LRP1B: variants seen among roughly 807,000 people sequenced by gnomAD.
LRP1B encodes low-density lipoprotein receptor-related protein 1B.
In LRP1B, 217 loss-of-function variants were observed where a neutral mutation model predicts 556.6. That is an observed-to-expected ratio of 0.39 (90% CI 0.35 to 0.44). LRP1B has a LOEUF of 0.44. LRP1B is among the 20% of genes least tolerant of loss of function. The pLI is 1.00. For missense variants in LRP1B, 5,053 were observed against 5,620.8 expected, an observed-to-expected ratio of 0.90 and a Z score of 3.23; for synonymous variants, 2,047 against 1,865.8, an observed-to-expected ratio of 1.10 and a Z score of -2.50.
At chr2:140,895,448 G>A (rs1390588658) in intron 23 of LRP1B, among the ~76,000 whole-genome samples, 5 of 152,148 alleles carry the variant, frequency 3.3e-5, no homozygotes, top group African/African-American at 1.2e-4. Flanking sequence ...CCCCTCGTGG[G>A]AAGGGGAGAA....
intron 1 of LRP1B, among the ~76,000 whole-genome samples, chr2:141,842,792 A>T (rs1255900426): frequency 1.3e-5 from 2 of 152,148 alleles, no homozygotes; most frequent in Non-Finnish European, 2.9e-5. Context: ...AGTTTCATAC[A>T]TATCTGATTT....
intron 83 of LRP1B, among the ~76,000 whole-genome samples, chr2:140,311,830 A>C (rs1429867221): frequency 6.6e-6 from 1 of 151,710 alleles, no homozygotes; most frequent in Non-Finnish European, 1.5e-5. Flanking sequence ...TGGGCAGTTT[A>C]AATGAATGTT....
At chr2:140,810,204 T>C (rs923510832) in intron 32 of LRP1B, among the ~76,000 whole-genome samples, 3 of 46,334 alleles carry the variant, frequency 6.5e-5, no homozygotes, top group African/African-American at 1.4e-4. Flanking sequence ...TTCAAAGAGA[T>C]TTTTTTTAAC....
At chr2:141,228,576 T>A (rs370722780) in intron 6 of LRP1B, among the ~76,000 whole-genome samples, 1,147 of 103,238 alleles carry the variant, frequency 0.011, 13 homozygotes, top group African/African-American at 0.038. Context: ...GGTGTCTGTG[T>A]GTATGAGTGT....
chr2:140,930,324 A>G (rs1695013462), intron 20 of LRP1B, among the ~76,000 whole-genome samples: 1 of 152,110 alleles, frequency 6.6e-6, no homozygotes, highest in East Asian at 1.9e-4. Context: ...GGACTCTGAT[A>G]AATAAGTAAA....
At chr2:141,675,049 T>C (rs372208174) in intron 2 of LRP1B, among the ~76,000 whole-genome samples, 7 of 151,990 alleles carry the variant, frequency 4.6e-5, no homozygotes, top group African/African-American at 1.4e-4. Flanking sequence ...ACTTTTGTTT[T>C]TATTTTTCAT....
intron 3 of LRP1B, among the ~76,000 whole-genome samples, chr2:141,466,169 G>A (rs1682188530): frequency 6.6e-6 from 1 of 152,222 alleles, no homozygotes; most frequent in Admixed American, 6.5e-5. Context: ...TTACAGGCAT[G>A]AGCCACTGCG....
At chr2:141,394,582 A>G (rs937908725) in intron 3 of LRP1B, among the ~76,000 whole-genome samples, 1 of 152,110 alleles carries the variant, frequency 6.6e-6, no homozygotes. Flanking sequence ...ATGCAATAGT[A>G]TGGTCATTAG....
At chr2:140,827,521 A>T (rs1334013656) in intron 31 of LRP1B, among the ~76,000 whole-genome samples, 2 of 152,052 alleles carry the variant, frequency 1.3e-5, no homozygotes, top group Non-Finnish European at 2.9e-5. Flanking sequence ...ATCAAGCAGA[A>T]GAAAATAAGT....
At chr2:141,041,883 A>AT (rs1169122965) in intron 11 of LRP1B, among the ~76,000 whole-genome samples, 1 of 151,960 alleles carries the variant, frequency 6.6e-6, no homozygotes, top group Non-Finnish European at 1.5e-5. Context: ...GTGTCAACAA[A>AT]TTTTTTTTAA....
chr2:140,404,801 A>G (rs1684661868), intron 66 of LRP1B, among the ~76,000 whole-genome samples: 1 of 152,198 alleles, frequency 6.6e-6, no homozygotes, highest in Non-Finnish European at 1.5e-5. Flanking sequence ...CAGATAAAAC[A>G]GACTTAAACA....
chr2:141,532,811 C>A (rs1321069185), intron 2 of LRP1B, among the ~76,000 whole-genome samples: 2 of 152,042 alleles, frequency 1.3e-5, no homozygotes, highest in African/African-American at 4.8e-5. Flanking sequence ...AATAGTGAAA[C>A]CCCGTCTCTA....
intron 41 of LRP1B, among the ~76,000 whole-genome samples, chr2:140,696,963 C>G (rs1267664682): frequency 6.6e-6 from 1 of 152,136 alleles, no homozygotes; most frequent in South Asian, 2.1e-4. Context: ...TTTAGATACA[C>G]TTTCTCATAA....
intron 7 of LRP1B, among the ~76,000 whole-genome samples, chr2:141,184,184 T>C (rs994885117): frequency 2.0e-5 from 3 of 152,106 alleles, no homozygotes; most frequent in African/African-American, 7.2e-5. Flanking sequence ...TTCTTTACTC[T>C]TGTCTTTTGA....
At chr2:140,595,090 A>ATATCTATATCTATATC (rs1207265838) in intron 43 of LRP1B, among the ~76,000 whole-genome samples, 1 of 3,334 alleles carries the variant, frequency 3.0e-4, no homozygotes, top group African/African-American at 8.5e-4. Context: ...TAAATTGAAT[A>ATATCTATATCTATATC]TATATATATA....
chr2:141,038,250 A>G (rs972220879), intron 11 of LRP1B, among the ~76,000 whole-genome samples: 3 of 152,218 alleles, frequency 2.0e-5, no homozygotes, highest in African/African-American at 4.8e-5. Flanking sequence ...AGGCAGCACA[A>G]AAGTGGGAAA....
At chr2:141,661,492 T>C (rs1474401156) in intron 2 of LRP1B, among the ~76,000 whole-genome samples, 1 of 152,148 alleles carries the variant, frequency 6.6e-6, no homozygotes, top group African/African-American at 2.4e-5. Context: ...ATAAATGACC[T>C]GATGGACTTG....
At chr2:141,758,274 A>G (rs975084866) in intron 2 of LRP1B, among the ~76,000 whole-genome samples, 16 of 152,334 alleles carry the variant, frequency 1.1e-4, no homozygotes, top group Admixed American at 1.0e-3. Flanking sequence ...ACTGCTTTGT[A>G]TAATCCAATT....
intron 1 of LRP1B, among the ~76,000 whole-genome samples, chr2:142,016,996 G>A (rs938660107): frequency 3.5e-4 from 53 of 150,360 alleles, no homozygotes; most frequent in African/African-American, 1.3e-3. Context: ...ATGTGTGTGT[G>A]TATATATATA....
Sources: gnomAD v4.1 joint callset for allele counts (sites outside exome capture counted in the v4.1 genomes callset) on GRCh38, gnomAD v4.1.1 for gene constraint, MANE v1.5 for transcripts, NCBI Gene and HGNC (gene_info 2026-07-23, HGNC 2026-07-21) for gene names.